The following TMEM39B variants were observed in gnomAD, a reference collection of about 807,000 sequenced individuals.
TMEM39B encodes transmembrane protein 39B.
In TMEM39B, 23 loss-of-function variants were observed where a neutral mutation model predicts 52.2. The observed-to-expected ratio is 0.44, with a 90% CI of 0.32 to 0.62. TMEM39B has a LOEUF of 0.62. Among genes scored for constraint, TMEM39B ranks in the 20% least tolerant of loss-of-function variants. The pLI, the probability that TMEM39B is intolerant of heterozygous loss-of-function variation, is 0.06. For missense variants in TMEM39B, 547 were observed against 642.0 expected (o/e 0.85, Z 1.60); for synonymous variants, 285 against 264.0 (o/e 1.08, Z -0.77).
At chr1:32,072,786 C>CTCTG, upstream of TMEM39B, 1 of 537,132 alleles carries the variant, frequency 1.9e-6, no homozygotes, top group Admixed American at 3.6e-5. Flanking sequence ...CCTCTTGAGT[C>CTCTG]TCTTCACCAG....
In TMEM39B at chr1:32,073,223, G is replaced by C. The variant is rs902018784; in HGVS notation, c.4+172G>C. On this transcript the variant is annotated intron_variant, in intron 1 of 8. Transcript: ENST00000336294. Reference sequence around the variant, plus strand: ...TGTCGTTTTGCGGGGTGGGGCCTCTGTTGTGGGGGCGGGACATTGGACGGT... The same window carrying C: ...TGTCGTTTTGCGGGGTGGGGCCTCTCTTGTGGGGGCGGGACATTGGACGGT... The C allele has an allele frequency of 3.9e-6, 3 of 761,260 alleles. No individual in the cohort carries two copies. In the African/African-American group the frequency reaches 5.6e-5, roughly 14 times the overall value. The allele number at this position is 761,260 out of a possible 1,614,324, so 47.2% of individuals were successfully genotyped here. A position where few individuals can be genotyped will look rare whatever the true frequency, so the allele number is the denominator to read the frequency against.
At chr1:32,072,929 G>A, upstream of TMEM39B, 3 of 1,335,888 alleles carry the variant, frequency 2.2e-6, no homozygotes, top group Non-Finnish European at 3.0e-6. Context: ...CGCGGCGGGA[G>A]CGCGCGGCTG....
chr1:32,099,626 A>G (rs950662263), intron 7 of TMEM39B, among the ~76,000 whole-genome samples: 18 of 152,160 alleles, frequency 1.2e-4, no homozygotes, highest in Non-Finnish European at 2.4e-4. Context: ...GAAGCAGTAC[A>G]GAGTGCTGGA....
chr1:32,084,424 C>T (rs1640250278), intron 5 of TMEM39B, among the ~76,000 whole-genome samples: 1 of 152,112 alleles, frequency 6.6e-6, no homozygotes, highest in Admixed American at 6.6e-5. Flanking sequence ...CTTCCTCTTT[C>T]TTGGTTTTCT....
At chr1:32,083,103 G>A (rs1426348250) in intron 5 of TMEM39B, among the ~76,000 whole-genome samples, 10 of 94,302 alleles carry the variant, frequency 1.1e-4, no homozygotes, top group African/African-American at 4.3e-4. Context: ...TTTTTTTTGA[G>A]ACGGAGTTTT....
At chr1:32,094,111 C>A (rs1234564753) in intron 6 of TMEM39B, among the ~76,000 whole-genome samples, 1 of 133,592 alleles carries the variant, frequency 7.5e-6, no homozygotes, top group East Asian at 2.2e-4. Flanking sequence ...AGCCACTGCG[C>A]CTGGCCTTTT....
chr1:32,095,029 C>T, intron 7 of TMEM39B, 58 bp downstream of exon 7: 1 of 1,563,778 alleles, frequency 6.4e-7, no homozygotes, highest in Non-Finnish European at 8.7e-7. Context: ...CATCTGGAGT[C>T]ACTTGTCCAC....
At chr1:32,097,039 G>A (rs1244458982) in intron 7 of TMEM39B, among the ~76,000 whole-genome samples, 4 of 151,668 alleles carry the variant, frequency 2.6e-5, no homozygotes, top group East Asian at 3.9e-4. Context: ...TTATGGGCTC[G>A]AGCGATCCAC....
rs1640607952 is a variant in TMEM39B at position 32,091,659 on chromosome 1, C to T, written c.591-16C>T. ...CCCATGGGCAGGCCTTCCCTCACCA[C>T]CGTCTTCCCCAGCAGGTTTGGGATG... On this transcript the variant is annotated splice_polypyrimidine_tract_variant and intron_variant, in intron 5 of 8. Coordinates refer to ENST00000336294, the MANE Select transcript of TMEM39B (RefSeq NM_018056.4). 1 of 1,569,896 alleles carries T rather than the reference C, an allele frequency of 6.4e-7. No homozygotes were observed. The highest frequency in any genetic ancestry group is 8.7e-7 in the Non-Finnish European group (1 of 1,154,318).
chr1:32,075,683 A>C lies in TMEM39B; in HGVS notation c.212A>C (p.Glu71Ala). 1 of 1,551,670 alleles carries C rather than the reference A, an allele frequency of 6.4e-7. No homozygotes were observed. Among genetic ancestry groups the C allele is most frequent in the Non-Finnish European group, 8.7e-7 (1 of 1,147,006 alleles). The part of the protein sequence containing the change: ...VVPLQHCKIP[E>A]LPVQASILFE... ...CCTCTACAGCACTGCAAGATCCCCGAGCTGCCAGTCCAGGCCAGCATTCTG... is the reference window on the plus strand; with the variant it reads ...CCTCTACAGCACTGCAAGATCCCCGCGCTGCCAGTCCAGGCCAGCATTCTG... The change falls in exon 3 of 9, where the codon GAG becomes GCG. Residue 71 changes from glutamate to alanine, a missense_variant. Transcript: ENST00000336294.
At chr1:32,078,530 C>T (rs547744815) in intron 5 of TMEM39B, among the ~76,000 whole-genome samples, 1 of 151,998 alleles carries the variant, frequency 6.6e-6, no homozygotes, top group East Asian at 1.9e-4. Context: ...TTAAACTTTA[C>T]AGAAGCTTTT....
In TMEM39B at chr1:32,091,578, G is replaced by C. The variant is rs1020946559; in HGVS notation, c.591-97G>C. 2.2e-6 allele frequency: 3 copies of C among 1,388,758 alleles called. No individual in the cohort carries two copies. In the African/African-American group the frequency reaches 4.4e-5, roughly 20 times the overall value. The allele number at this position is 1,388,758 out of a possible 1,614,324, so 86.0% of individuals were successfully genotyped here. ...TTCTCCCCTCTGGGCAGCCAGGAGA[G>C]CTGAGGCCCAGGAAGGAAAGAAGAT... On this transcript the variant is annotated intron_variant, in intron 5 of 8. Transcript: ENST00000336294.
chr1:32,075,061 G>A lies in TMEM39B; in HGVS notation c.115G>A (p.Val39Ile). The A allele has an allele frequency of 1.3e-6, 2 of 1,551,058 alleles. No homozygotes were observed. The highest frequency in any genetic ancestry group is 1.7e-6 in the Non-Finnish European group (2 of 1,146,688). ...CACTTCCAGTGCATCGGTGACCAGT[G>A]TTCGTTCCCGCACCAGGTAAACCAC... ...SHTSSASVTSVRSRTRSSSGT... is the reference protein window; with the variant it reads ...SHTSSASVTSIRSRTRSSSGT... The change falls in exon 2 of 9, where the codon GTT (valine) becomes ATT (isoleucine). Residue 39 changes from valine to isoleucine, a missense_variant. By Grantham distance (29) the Val-to-Ile change is conservative. Transcript: ENST00000336294.
intron 1 of TMEM39B, among the ~76,000 whole-genome samples, chr1:32,074,653 C>T (rs1639776174): frequency 6.6e-6 from 1 of 152,024 alleles, no homozygotes; most frequent in African/African-American, 2.4e-5. Flanking sequence ...TCAGAAATGG[C>T]AGTCCGGGAA....
At chr1:32,074,801 G>A (rs979876161) in intron 1 of TMEM39B, 150 bp from the exon 2 acceptor site, 12 of 984,548 alleles carry the variant, frequency 1.2e-5, no homozygotes, top group African/African-American at 6.6e-5. Context: ...AGGGGATGAA[G>A]CTGAAGATGT....
At chr1:32,096,810 C>CT (rs58321062) in intron 7 of TMEM39B, among the ~76,000 whole-genome samples, 18,915 of 140,966 alleles carry the variant, frequency 0.13, 1,558 homozygotes, top group South Asian at 0.26. Flanking sequence ...ATGTGCAATC[C>CT]TTTTTTTTTT....
chr1:32,087,841 G>A (rs1390446077), intron 5 of TMEM39B: 2 of 148,124 alleles, frequency 1.4e-5, no homozygotes, highest in Non-Finnish European at 3.0e-5. Context: ...AGTAGAGACG[G>A]GTTTTACTGT....
chr1:32,097,873 C>G (rs1249086014), intron 7 of TMEM39B, among the ~76,000 whole-genome samples: 1 of 151,858 alleles, frequency 6.6e-6, no homozygotes, highest in Non-Finnish European at 1.5e-5. Flanking sequence ...ACCTCATGAT[C>G]CATCCGCCTC....
intron 7 of TMEM39B, among the ~76,000 whole-genome samples, chr1:32,098,628 G>A (rs1237782078): frequency 6.6e-6 from 1 of 152,152 alleles, no homozygotes; most frequent in Admixed American, 6.5e-5. Context: ...AGCTACTCAG[G>A]AGGCTGAAGC....
Sources: allele counts gnomAD v4.1 joint callset (sites outside exome capture counted in the v4.1 genomes callset), GRCh38; gene constraint gnomAD v4.1.1; transcripts MANE v1.5; gene names NCBI Gene and HGNC (gene_info 2026-07-23, HGNC 2026-07-21).